PAEP: variants seen among roughly 807,000 people sequenced by gnomAD.
PAEP encodes progestagen associated endometrial protein, also known as glycodelin.
In PAEP, 28 loss-of-function variants were observed where a neutral mutation model predicts 23.0. The ratio of observed to expected loss-of-function variants is 1.22; its 90% CI spans 0.90 to 1.67. PAEP has a LOEUF of 1.67. PAEP is among the 40% of genes most tolerant of loss of function. The probability of loss-of-function intolerance (pLI) is 0.00; values close to 1 mark genes in which losing one functional copy is unlikely to be tolerated. For missense variants in PAEP, 209 were observed against 226.4 expected (o/e 0.92, Z 0.49); for synonymous variants, 103 against 92.4 (o/e 1.12, Z -0.66).
At chr9:135,565,542 C>A in intron 5 of PAEP, 28 bp downstream of exon 5, 1 of 1,581,820 alleles carries the variant, frequency 6.3e-7, no homozygotes, top group Non-Finnish European at 8.7e-7. Context: ...CACGCCCAGC[C>A]TCAGCTGGAG....
rs142465737 is a variant in PAEP, at chr9:135,562,420, G to T, written c.223G>T (p.Val75Phe). The T allele has an allele frequency of 6.2e-7, 1 of 1,613,902 alleles. No individual in the cohort carries two copies. Residue 75 changes from valine (V) to phenylalanine (F), a missense_variant, in exon 2 of 7, where the codon GTT becomes TTT. Coordinates refer to ENST00000479141, the MANE Select transcript of PAEP (RefSeq NM_002571.4). ...CACCCCCGAGGACAACCTGGAGATC[G>T]TTCTGCACAGATGGTGGGTTTCTCA... ...LPTPEDNLEI[V>F]LHRWENNSCV... is the part of the protein sequence containing the mutation.
rs1226302790 is a variant in PAEP, at chr9:135,564,257, C to T, written c.324C>T (p.Asn108=). 10 of 1,552,922 alleles carry T rather than the reference C, an allele frequency of 6.4e-6. No homozygotes were observed. The highest frequency in any genetic ancestry group is 8.7e-6 in the Non-Finnish European group (10 of 1,147,566). Residue 108 remains asparagine (N), a synonymous_variant, in exon 4 of 7, where the codon AAC becomes AAT. Coordinates refer to ENST00000479141, the MANE Select transcript of PAEP (RefSeq NM_002571.4). ...KKFKINYTVA[N]EATLLDTDYD... is the part of the protein sequence containing the mutation. ...TTCTTTCCCCAGATACGGTGGCGAA[C>T]GAGGCCACGCTGCTCGATACTGACT...
At chr9:135,564,199 G>A (rs1832467343) in intron 3 of PAEP, 45 bp from the exon 4 acceptor site, 1 of 1,550,034 alleles carries the variant, frequency 6.5e-7, no homozygotes, top group African/African-American at 1.4e-5. Context: ...ACTCTGCTGA[G>A]ACGGAGGCTT....
rs1832303352 is a variant in PAEP, at chr9:135,561,785, C to T, written c.-17C>T. On this transcript the variant is annotated 5_prime_UTR_variant, in exon 1 of 7. Coordinates refer to ENST00000479141, the MANE Select transcript of PAEP (RefSeq NM_002571.4). ...TCCCTCTGGCTCCAGAGCTCAGAGC[C>T]ACCCACAGCCGCAGCCATGCTGTGC... 6.5e-7 allele frequency: 1 copy of T among 1,540,202 alleles called. No homozygotes were observed. The highest frequency in any genetic ancestry group is 8.8e-7 in the Non-Finnish European group (1 of 1,138,314).
Position 135,562,293 on chromosome 9 carries a change from G to C in PAEP, c.97-1G>C. The C allele has an allele frequency of 6.2e-7, 1 of 1,613,524 alleles. No homozygotes were observed. Among genetic ancestry groups the C allele is most frequent in the South Asian group, 1.1e-5 (1 of 90,972 alleles). On this transcript the variant is annotated splice_acceptor_variant, in intron 1 of 6. Transcript: ENST00000479141. LOFTEE classifies it high-confidence loss of function. ...CGCCGTGCAGCCCAAGGCCCCCTCA[G>C]TTGGCAGGGACCTGGCACTCCATGG...
intron 3 of PAEP, 104 bp from the exon 4 acceptor site, chr9:135,564,140 G>A (rs1832463928): frequency 1.3e-6 from 2 of 1,492,544 alleles, no homozygotes; most frequent in Middle Eastern, 1.7e-4. Flanking sequence ...TGGTGTCAGT[G>A]GATGAGGAAG....
intron 4 of PAEP, chr9:135,564,606 C>A: frequency 1.6e-6 from 1 of 621,576 alleles, no homozygotes; most frequent in African/African-American, 2.0e-5. Context: ...CAGATTCAAG[C>A]GATTCTCGTG....
chr9:135,565,574 C>A, intron 5 of PAEP, 60 bp downstream of exon 5: 3 of 1,502,786 alleles, frequency 2.0e-6, no homozygotes, highest in Non-Finnish European at 2.8e-6. Flanking sequence ...TCTTTCTTAG[C>A]CCGAGCCCCC....
intron 3 of PAEP, among the ~76,000 whole-genome samples, chr9:135,563,389 G>C (rs1832418106): frequency 3.0e-5 from 1 of 32,794 alleles, no homozygotes; most frequent in African/African-American, 1.1e-4. Flanking sequence ...TAGGTGGGTA[G>C]GTATACAGGT....
intron 3 of PAEP, among the ~76,000 whole-genome samples, chr9:135,563,949 G>A (rs1440146674): frequency 6.6e-5 from 10 of 152,028 alleles, no homozygotes; most frequent in South Asian, 2.1e-4. Context: ...ATCCTCACCC[G>A]TACGTGACTT....
intron 4 of PAEP, chr9:135,564,970 C>G (rs192697519): frequency 1.3e-6 from 1 of 745,530 alleles, no homozygotes; most frequent in Non-Finnish European, 1.6e-6. Context: ...GTCAACCAAA[C>G]GAAGGCCAGG....
Position 135,565,463 on chromosome 9 carries a change from A to T in PAEP, c.475A>T (p.Arg159Trp). Residue 159 changes from arginine to tryptophan, a missense_variant, in exon 5 of 7, where the codon AGG (arginine) becomes TGG (tryptophan). By Grantham distance (101) the Arg-to-Trp change is moderately radical. Coordinates refer to ENST00000479141, the MANE Select transcript of PAEP (RefSeq NM_002571.4). ...CATGCAGGGATTCATCAGGGCTTTC[A>T]GGCCCCTGCCCAGGCACCTATGGTA... The part of the protein sequence containing the change: ...EIMQGFIRAF[R>W]PLPRHLWYLL... The T allele has an allele frequency of 6.2e-7, 1 of 1,614,196 alleles. No individual in the cohort carries two copies. The highest frequency in any genetic ancestry group is 8.5e-7 in the Non-Finnish European group (1 of 1,180,028).
chr9:135,562,342 C>T lies in PAEP; in HGVS notation c.145C>T (p.Leu49Phe), dbSNP rs1564247563. The T allele has an allele frequency of 1.9e-6, 3 of 1,614,140 alleles. No individual in the cohort carries two copies. Among genetic ancestry groups the T allele is most frequent in the Non-Finnish European group, 1.7e-6 (2 of 1,180,020 alleles). ...GGCCATGGCGACCAACAACATCTCC[C>T]TCATGGCGACACTGAAGGCCCCTCT... ...SMAMATNNIS[L>F]MATLKAPLRV... The change falls in exon 2 of 7, where the codon CTC (leucine) becomes TTC (phenylalanine). Residue 49 changes from leucine to phenylalanine, a missense_variant. Coordinates refer to ENST00000479141, the MANE Select transcript of PAEP (RefSeq NM_002571.4).
intron 2 of PAEP, 34 bp downstream of exon 2, chr9:135,562,467 G>A (rs371927396): frequency 5.6e-6 from 9 of 1,604,956 alleles, no homozygotes; most frequent in Admixed American, 1.7e-5. Flanking sequence ...GGCTGGGCGG[G>A]GGCTCAGTCT....
chr9:135,564,262 C>A lies in PAEP; in HGVS notation c.329C>A (p.Ala110Asp). 1.3e-6 allele frequency: 2 copies of A among 1,553,146 alleles called. No individual in the cohort carries two copies. Among genetic ancestry groups the A allele is most frequent in the Non-Finnish European group, 1.7e-6 (2 of 1,147,678 alleles). The change falls in exon 4 of 7, where the codon GCC becomes GAC. Residue 110 changes from alanine (A) to aspartate (D), a missense_variant. Ala to Asp is a moderately radical substitution (Grantham distance 126, BLOSUM62 -2). Transcript: ENST00000479141. ...FKINYTVANE[A>D]TLLDTDYDNF... ...TCCCCAGATACGGTGGCGAACGAGG[C>A]CACGCTGCTCGATACTGACTACGAC...
chr9:135,564,524 G>C lies in PAEP; in HGVS notation c.421+170G>C, dbSNP rs544542999. 19 of 972,720 alleles carry C rather than the reference G, an allele frequency of 2.0e-5. No individual in the cohort carries two copies. In the East Asian group the frequency reaches 2.1e-3, roughly 106 times the overall value. 60.3% of individuals were successfully genotyped at this position (972,720 alleles called of 1,614,324 possible). ...TTTGTTGTTTGCTTTGTTTTTTTGAGAAAGGGTCTCATTCTGTCACTCAGG... is the reference window on the plus strand; with the variant it reads ...TTTGTTGTTTGCTTTGTTTTTTTGACAAAGGGTCTCATTCTGTCACTCAGG... On this transcript the variant is annotated intron_variant, in intron 4 of 6. Coordinates refer to ENST00000479141, the MANE Select transcript of PAEP (RefSeq NM_002571.4).
chr9:135,564,888 A>AG, intron 4 of PAEP: 1 of 985,256 alleles, frequency 1.0e-6, no homozygotes, highest in Non-Finnish European at 1.2e-6. Flanking sequence ...TCGCCAGTCA[A>AG]GGGGCTGGGC....
chr9:135,562,841 G>A lies in PAEP; in HGVS notation c.258G>A (p.Glu86=), dbSNP rs1409393114. 1.2e-6 allele frequency: 2 copies of A among 1,614,018 alleles called. No individual in the cohort carries two copies. The highest frequency in any genetic ancestry group is 1.1e-5 in the South Asian group (1 of 91,064). Residue 86 remains glutamate, a synonymous_variant, in exon 3 of 7, where the codon GAG becomes GAA. Coordinates refer to ENST00000479141, the MANE Select transcript of PAEP (RefSeq NM_002571.4). ...LHRWENNSCV[E]KKVLGEKTEN... ...TCAGGGAGAACAACAGCTGTGTTGA[G>A]AAGAAGGTCCTTGGAGAGAAGACTG...
rs1225223382 is a variant in PAEP, at chr9:135,561,897, G to A, written c.96G>A (p.Lys32=). The change falls in exon 1 of 7, where the codon AAG becomes AAA. Residue 32 remains lysine (K), a splice_region_variant and synonymous_variant. Coordinates refer to ENST00000479141, the MANE Select transcript of PAEP (RefSeq NM_002571.4). ...CCAAGCAGGACCTGGAGCTCCCAAA[G>A]GTTTGAGGCTGGGGGAGCGGGCACT... The part of the protein sequence containing the change: ...PQTKQDLELP[K]LAGTWHSMAM... 24 of 1,560,706 alleles carry A rather than the reference G, an allele frequency of 1.5e-5. No homozygotes were observed. The East Asian group carries it at 5.5e-4, about 36-fold the overall frequency.
Sources: gnomAD v4.1 joint callset for allele counts (sites outside exome capture counted in the v4.1 genomes callset) on GRCh38, gnomAD v4.1.1 for gene constraint, MANE v1.5 for transcripts, NCBI Gene and HGNC (gene_info 2026-07-23, HGNC 2026-07-21) for gene names.